Variants in ATP10B observed in about 807,000 individuals in gnomAD.
The protein encoded by ATP10B is phospholipid-transporting ATPase VB.
A neutral mutation model predicts 141.2 loss-of-function variants in ATP10B; 122 were observed. The ratio of observed to expected loss-of-function variants is 0.86; its 90% CI spans 0.75 to 1.00. The LOEUF (loss-of-function observed/expected upper bound fraction) is 1.00. Ranked by LOEUF, ATP10B falls within the 50% of genes least tolerant of loss-of-function variation. The probability of loss-of-function intolerance (pLI) is 0.00; values close to 1 mark genes in which losing one functional copy is unlikely to be tolerated. For synonymous variants in ATP10B, 685 were observed against 692.0 expected (o/e 0.99, Z 0.16); for missense variants, 1,876 against 1,825.3 (o/e 1.03, Z -0.51).
chr5:160,667,565 T>G (rs1466028151), intron 7 of ATP10B, among the ~76,000 whole-genome samples: 1 of 152,210 alleles, frequency 6.6e-6, no homozygotes, highest in East Asian at 1.9e-4. Context: ...CAAATAATCT[T>G]CCTTTCACAT....
intron 3 of ATP10B, among the ~76,000 whole-genome samples, chr5:160,707,851 C>T (rs958693584): frequency 2.5e-4 from 38 of 152,252 alleles, no homozygotes; most frequent in African/African-American, 8.9e-4. Context: ...GCAAAATGCC[C>T]GTGGAGACTC....
chr5:160,776,766 A>G (rs144598626), intron 2 of ATP10B, among the ~76,000 whole-genome samples: 10 of 152,342 alleles, frequency 6.6e-5, no homozygotes, highest in Non-Finnish European at 1.0e-4. Context: ...CTACGCTTAT[A>G]ACAATATGTC....
chr5:160,887,968 A>C, the ATP10B span, among the ~76,000 whole-genome samples: 1 of 152,238 alleles, frequency 6.6e-6, no homozygotes. Flanking sequence ...TCTTTGGTTC[A>C]CTGCAAAAAT....
intron 1 of ATP10B, among the ~76,000 whole-genome samples, chr5:160,798,195 G>A (rs887736083): frequency 2.0e-5 from 3 of 152,100 alleles, no homozygotes; most frequent in African/African-American, 7.2e-5. Context: ...AGTTTGACAT[G>A]TTCAGAGAAC....
chr5:160,696,683 T>C (rs1471568534), intron 3 of ATP10B, among the ~76,000 whole-genome samples: 1 of 152,160 alleles, frequency 6.6e-6, no homozygotes, highest in Non-Finnish European at 1.5e-5. Flanking sequence ...GCTGCTAACA[T>C]GGTTTGCAAG....
chr5:160,908,528 T>G, the ATP10B span, among the ~76,000 whole-genome samples: 42 of 152,288 alleles, frequency 2.8e-4, no homozygotes, highest in African/African-American at 9.9e-4. Context: ...TATCGAAGGA[T>G]TAGGATCAAC....
In ATP10B at chr5:160,578,373, G is replaced by A. The variant is rs548616017; in HGVS notation, c.3751-8690C>T. Among the ~76,000 whole-genome samples the A allele has an allele frequency of 2.6e-5, 4 of 152,178 alleles. 2 individuals are homozygous for A. The highest frequency in any genetic ancestry group is 9.6e-5 in the African/African-American group (4 of 41,508). On this transcript the variant is annotated intron_variant, in intron 24 of 25. Coordinates refer to ENST00000327245, the MANE Select transcript of ATP10B (RefSeq NM_025153.3). ...CATCTGACAGGCCCAAGTGTGTGATGTTGCCCTCCCTGTGTCCATGTGTTC... is the reference window on the plus strand; with the variant it reads ...CATCTGACAGGCCCAAGTGTGTGATATTGCCCTCCCTGTGTCCATGTGTTC...
chr5:160,640,719 C>T (rs773932866), intron 9 of ATP10B, 127 bp from the exon 10 acceptor site: 34 of 1,305,852 alleles, frequency 2.6e-5, no homozygotes, highest in Middle Eastern at 2.7e-4. Flanking sequence ...TGAACTTGCC[C>T]CGCCTCAGAA....
At chr5:160,799,549 G>C (rs537206413) in intron 1 of ATP10B, among the ~76,000 whole-genome samples, 7 of 152,146 alleles carry the variant, frequency 4.6e-5, no homozygotes, top group Non-Finnish European at 1.0e-4. Flanking sequence ...TATGAAAAGT[G>C]CTTATTTGAG....
At chr5:160,622,771 T>C (rs1360591416) in intron 13 of ATP10B, among the ~76,000 whole-genome samples, 186 bp from the exon 14 acceptor site, 2 of 152,208 alleles carry the variant, frequency 1.3e-5, no homozygotes, top group Non-Finnish European at 1.5e-5. Flanking sequence ...CAGTGCCACA[T>C]GTCCATCCAT....
rs373487625 is a variant in ATP10B, at chr5:160,794,364, C to G, written c.-575-8561G>C. Among the ~76,000 whole-genome samples, 23 of 152,304 alleles carry G rather than the reference C, an allele frequency of 1.5e-4. No individual in the cohort carries two copies. In the South Asian group the frequency reaches 4.8e-3, roughly 32 times the overall value. On this transcript the variant is annotated intron_variant, in intron 1 of 25. Coordinates refer to ENST00000327245, the MANE Select transcript of ATP10B (RefSeq NM_025153.3). ...ATGTGATTCTGATGGGGCTGCTGAC[C>G]ACAGCGGAAGGTAGGCAATCCAGGT...
chr5:160,791,147 A>G (rs1290240762), intron 1 of ATP10B, among the ~76,000 whole-genome samples: 1 of 152,164 alleles, frequency 6.6e-6, no homozygotes, highest in Non-Finnish European at 1.5e-5. Flanking sequence ...GAAAGAATAT[A>G]AATTTTCCCC....
At chr5:160,615,238 C>T (rs1052265341) in intron 17 of ATP10B, among the ~76,000 whole-genome samples, 7 of 151,968 alleles carry the variant, frequency 4.6e-5, no homozygotes, top group African/African-American at 7.2e-5. Context: ...CACTCTGTTT[C>T]CCCCCAGCCC....
Position 160,803,706 on chromosome 5 carries a change from T to A in ATP10B, c.-575-17903A>T, listed in dbSNP as rs565413892. 2.6e-5 allele frequency among the ~76,000 whole-genome samples: 4 copies of A among 152,208 alleles called. No homozygotes were observed. In the East Asian group the frequency reaches 7.7e-4, roughly 29 times the overall value. On this transcript the variant is annotated intron_variant, in intron 1 of 25. Coordinates refer to ENST00000327245, the MANE Select transcript of ATP10B (RefSeq NM_025153.3). Reference sequence around the variant, plus strand: ...AATAAAATAAATAAAAAGAGGTTACTTGTTCAAGGTCACATAGCTTGTACT... The same window carrying A: ...AATAAAATAAATAAAAAGAGGTTACATGTTCAAGGTCACATAGCTTGTACT...
At chr5:160,654,328 C>T (rs58783931) in intron 7 of ATP10B, among the ~76,000 whole-genome samples, 2,006 of 152,102 alleles carry the variant, frequency 0.013, 46 homozygotes, top group African/African-American at 0.046. Context: ...GTAATGTCCT[C>T]TCACTACCCT....
At chr5:160,912,414 CAAAAAAAA>C in the ATP10B span, among the ~76,000 whole-genome samples, 149 of 88,892 alleles carry the variant, frequency 1.7e-3, 1 homozygote, top group Admixed American at 4.0e-3. Context: ...CTGTTTCTAC[CAAAAAAAA>C]AAAAAAAAAA....
chr5:160,760,973 C>G (rs570594205), intron 2 of ATP10B, among the ~76,000 whole-genome samples: 156 of 152,270 alleles, frequency 1.0e-3, no homozygotes, highest in South Asian at 3.3e-3. Flanking sequence ...CTCTTGGCAG[C>G]TCAATAGCCC....
At position 160,682,908 on chromosome 5, in the gene ATP10B, G is replaced by A. The variant is rs1443181650; in HGVS notation, c.470+3171C>T. ...CAAAAAATTAGCCAGGCGTGATGGC[G>A]GGCACCTGTAGTCCCAGCTACTCGG... On this transcript the variant is annotated intron_variant, in intron 6 of 25. Transcript: ENST00000327245. Among the ~76,000 whole-genome samples, 7 of 151,518 alleles carry A rather than the reference G, an allele frequency of 4.6e-5. No individual in the cohort carries two copies. In the Middle Eastern group the frequency reaches 0.01, roughly 221 times the overall value.
At chr5:160,796,009 CCT>C (rs973526704) in intron 1 of ATP10B, among the ~76,000 whole-genome samples, 7 of 152,130 alleles carry the variant, frequency 4.6e-5, no homozygotes, top group Non-Finnish European at 8.8e-5. Flanking sequence ...CATTCTGCCC[CCT>C]GAGTTCAGAC....
Sources: allele counts gnomAD v4.1 joint callset (sites outside exome capture counted in the v4.1 genomes callset), GRCh38; gene constraint gnomAD v4.1.1; transcripts MANE v1.5; gene names NCBI Gene and HGNC (gene_info 2026-07-23, HGNC 2026-07-21).